The following ITGA8 variants were observed in gnomAD, a reference collection of about 807,000 sequenced individuals.
ITGA8 encodes integrin subunit alpha 8.
In ITGA8, 91 loss-of-function variants were observed where a neutral mutation model predicts 142.3. The observed-to-expected ratio is 0.64, with a 90% confidence interval of 0.54 to 0.76. ITGA8 has a LOEUF of 0.76. ITGA8 is among the 30% of genes least tolerant of loss of function. The pLI, the probability that ITGA8 is intolerant of heterozygous loss-of-function variation, is 0.00. For missense variants in ITGA8, 1,406 were observed against 1,327.7 expected (o/e 1.06, Z -0.92); for synonymous variants, 505 against 485.2 (o/e 1.04, Z -0.54).
In ITGA8 at chr10:15,661,254, T is replaced by C. The variant is rs12267109; in HGVS notation, c.848-332A>G. Among the ~76,000 whole-genome samples, 502 of 152,300 alleles carry C rather than the reference T, an allele frequency of 3.3e-3. 1 individual carries two copies. Among genetic ancestry groups the C allele is most frequent in the African/African-American group, 0.011 (475 of 41,550 alleles). On this transcript the variant is annotated intron_variant, in intron 8 of 29. Coordinates refer to ENST00000378076, the MANE Select transcript of ITGA8 (RefSeq NM_003638.3). ...TGTTCTCACCAGAGTGAGAACCCTA[T>C]TGTGAACTGTGCACACAGGGGATCT...
chr10:15,566,627 A>G (rs959288177), intron 25 of ITGA8, among the ~76,000 whole-genome samples: 3 of 151,862 alleles, frequency 2.0e-5, no homozygotes, highest in African/African-American at 4.8e-5. Flanking sequence ...CCTTGGCAAC[A>G]TGGTGAAACC....
At chr10:15,537,117 G>A (rs1833457523) in intron 27 of ITGA8, among the ~76,000 whole-genome samples, 1 of 152,128 alleles carries the variant, frequency 6.6e-6, no homozygotes, top group Non-Finnish European at 1.5e-5. Flanking sequence ...ATCTGTTTCT[G>A]ACCAGTTTGC....
At chr10:15,680,552 AGT>A (rs779808868) in intron 4 of ITGA8, among the ~76,000 whole-genome samples, 6 of 152,072 alleles carry the variant, frequency 3.9e-5, no homozygotes, top group Non-Finnish European at 7.4e-5. Context: ...TGCATCCAGA[AGT>A]ATATATGAAT....
Position 15,627,387 on chromosome 10 carries a change from C to T in ITGA8, c.1400-10828G>A, listed in dbSNP as rs566711813. Among the ~76,000 whole-genome samples the T allele has an allele frequency of 6.6e-4, 101 of 152,326 alleles. No individual in the cohort carries two copies. In the Middle Eastern group the frequency reaches 0.014, roughly 21 times the overall value. ...AGCTTCACCTGCTTCACTCTTTAGT[C>T]TGTGGTCTGGTTGGACCGCCAGCTT... is the stretch of plus-strand genomic sequence containing the variant. On this transcript the variant is annotated intron_variant, in intron 13 of 29. Coordinates refer to ENST00000378076, the MANE Select transcript of ITGA8 (RefSeq NM_003638.3).
At chr10:15,563,370 C>G (rs1292145780) in intron 25 of ITGA8, among the ~76,000 whole-genome samples, 3 of 152,180 alleles carry the variant, frequency 2.0e-5, no homozygotes, top group Admixed American at 6.5e-5. Flanking sequence ...GTGGAAATCA[C>G]TAGCTAAAAT....
chr10:15,632,617 GAT>G (rs1305428807), intron 13 of ITGA8, among the ~76,000 whole-genome samples: 1 of 152,126 alleles, frequency 6.6e-6, no homozygotes, highest in Non-Finnish European at 1.5e-5. Context: ...TTCATTCAGT[GAT>G]ACAGATAGCA....
At chr10:15,644,471 TATATATATATATATATATATAGAA>T (rs1564388906) in intron 12 of ITGA8, among the ~76,000 whole-genome samples, 24 of 23,348 alleles carry the variant, frequency 1.0e-3, no homozygotes, top group African/African-American at 1.8e-3. Flanking sequence ...TATATATATA[TATATATATATATATATATATAGAA>T]TTTTTTTTTT....
At chr10:15,672,241 G>T (rs1420760759) in intron 7 of ITGA8, among the ~76,000 whole-genome samples, 7 of 152,188 alleles carry the variant, frequency 4.6e-5, no homozygotes, top group Non-Finnish European at 1.0e-4. Context: ...ACATTGTGTG[G>T]TTTGTGCATA....
At chr10:15,680,740 C>T (rs902471414) in intron 4 of ITGA8, among the ~76,000 whole-genome samples, 4 of 151,260 alleles carry the variant, frequency 2.6e-5, no homozygotes, top group Non-Finnish European at 4.4e-5. Context: ...TGCTTTAAAA[C>T]AGCAGGCTGA....
intron 27 of ITGA8, among the ~76,000 whole-genome samples, chr10:15,546,873 A>T (rs954646266): frequency 5.3e-5 from 8 of 151,476 alleles, no homozygotes; most frequent in African/African-American, 1.9e-4. Context: ...AAATGAAGGG[A>T]AGGGAAGGGA....
In ITGA8 at chr10:15,646,982, T is replaced by A. The variant is rs1288416292; in HGVS notation, c.1071A>T (p.Val357=). Residue 357 remains valine (V), a synonymous_variant, in exon 12 of 30, where the codon GTA becomes GTT. Coordinates refer to ENST00000378076, the MANE Select transcript of ITGA8 (RefSeq NM_003638.3). ...CTTGCAAATACAGGTAGATTTGCCC[T>A]ACTTCTCTGGGGTTGCTCTCAAATT... The part of the protein sequence containing the change: ...EREFESNPRE[V]GQIYLYLQVS... The A allele has an allele frequency of 6.2e-7, 1 of 1,613,938 alleles. No homozygotes were observed. Among genetic ancestry groups the A allele is most frequent in the East Asian group, 2.2e-5 (1 of 44,888 alleles).
intron 13 of ITGA8, among the ~76,000 whole-genome samples, chr10:15,638,514 CAG>C (rs1187126501): frequency 6.6e-6 from 1 of 152,184 alleles, no homozygotes; most frequent in African/African-American, 2.4e-5. Flanking sequence ...CTCTTTTAGA[CAG>C]AGCTGCTAAG....
At position 15,719,573 on chromosome 10, in the gene ITGA8, CG is replaced by C. The variant is rs1256696468; in HGVS notation, c.198del (p.Asp67ThrfsTer74). The stretch of plus-strand genomic sequence containing the variant: ...GGTCGGGCGACTTACGTGCGGGCGT[CG>C]GGTATGTGGAAGTCCACGGCGTAGC... Reference protein sequence around the residue: ...YFGYAVDFHIPDARTASVLVG... With the variant: ...YFGYAVDFHIXDARTASVLVG... On this transcript the variant is annotated frameshift_variant, in exon 1 of 30. Transcript: ENST00000378076. LOFTEE classifies it high-confidence loss of function. 1 of 1,563,262 alleles carries C rather than the reference CG, an allele frequency of 6.4e-7. No homozygotes were observed. Among genetic ancestry groups the C allele is most frequent in the Admixed American group, 1.9e-5 (1 of 51,404 alleles).
chr10:15,684,262 C>T, intron 3 of ITGA8, 135 bp from the exon 4 acceptor site: 1 of 813,250 alleles, frequency 1.2e-6, no homozygotes, highest in Non-Finnish European at 1.9e-6. Flanking sequence ...TAATGAGTGC[C>T]TTGGTCATCA....
chr10:15,546,748 GAAGAA>G (rs907486849), intron 27 of ITGA8, among the ~76,000 whole-genome samples: 1 of 150,272 alleles, frequency 6.7e-6, no homozygotes, highest in Non-Finnish European at 1.5e-5. Flanking sequence ...GAAAGAAAAG[GAAGAA>G]AAGAGAGAGA....
chr10:15,527,287 C>T (rs987501965), intron 28 of ITGA8, among the ~76,000 whole-genome samples: 1 of 152,142 alleles, frequency 6.6e-6, no homozygotes, highest in Non-Finnish European at 1.5e-5. Flanking sequence ...AGAAGTTTTG[C>T]TAACAATTCT....
chr10:15,647,148 T>G (rs1403917553), intron 11 of ITGA8, 97 bp from the exon 12 acceptor site: 2 of 917,552 alleles, frequency 2.2e-6, no homozygotes, highest in Non-Finnish European at 3.4e-6. Context: ...TCCATTGGTA[T>G]TTTTCCTTTT....
At chr10:15,569,690 A>G (rs1834144745) in intron 25 of ITGA8, among the ~76,000 whole-genome samples, 1 of 152,158 alleles carries the variant, frequency 6.6e-6, no homozygotes, top group African/African-American at 2.4e-5. Flanking sequence ...AGTAGCTACA[A>G]ACATCGCTGT....
intron 27 of ITGA8, among the ~76,000 whole-genome samples, chr10:15,548,178 A>G (rs907038692): frequency 6.6e-5 from 10 of 151,288 alleles, no homozygotes; most frequent in African/African-American, 1.5e-4. Context: ...TGCAACCTCT[A>G]TCTCCTGGGT....
Sources: allele counts gnomAD v4.1 joint callset (sites outside exome capture counted in the v4.1 genomes callset), GRCh38; gene constraint gnomAD v4.1.1; transcripts MANE v1.5; gene names NCBI Gene and HGNC (gene_info 2026-07-23, HGNC 2026-07-21).